BMERB1: variants seen among roughly 807,000 people sequenced by gnomAD.
BMERB1 encodes bMERB domain-containing protein 1.
In BMERB1, 12 loss-of-function variants were observed where a neutral mutation model predicts 23.6. That is an observed-to-expected ratio of 0.51 (90% CI 0.33 to 0.82). The LOEUF is 0.82. Ranked by LOEUF, BMERB1 falls within the 40% of genes least tolerant of loss-of-function variation. BMERB1 has a pLI of 0.03. For synonymous variants in BMERB1, 122 were observed against 96.6 expected (o/e 1.26, Z -1.54); for missense variants, 247 against 255.4 (o/e 0.97, Z 0.22).
intron 2 of BMERB1, among the ~76,000 whole-genome samples, chr16:15,542,229 A>G (rs2052092930): frequency 6.6e-6 from 1 of 151,248 alleles, no homozygotes; most frequent in Non-Finnish European, 1.5e-5. Context: ...ACACCCAGCT[A>G]ATTTTTGTAT....
chr16:15,498,841 C>A (rs1362277804), intron 1 of BMERB1, among the ~76,000 whole-genome samples: 1 of 152,210 alleles, frequency 6.6e-6, no homozygotes, highest in African/African-American at 2.4e-5. Context: ...TACTGGCAGC[C>A]AGTGGGCAGA....
intron 2 of BMERB1, among the ~76,000 whole-genome samples, chr16:15,547,767 A>T (rs1303689810): frequency 1.3e-5 from 2 of 152,164 alleles, no homozygotes; most frequent in African/African-American, 4.8e-5. Context: ...CATTGAGATA[A>T]TGTGGGTGTC....
chr16:15,441,981 G>T (rs1042916115), intron 1 of BMERB1, among the ~76,000 whole-genome samples: 2 of 152,114 alleles, frequency 1.3e-5, no homozygotes, highest in African/African-American at 4.8e-5. Flanking sequence ...GAGTGTGAAA[G>T]GTGTGACAAG....
At chr16:15,497,241 C>G (rs2051482141) in intron 1 of BMERB1, among the ~76,000 whole-genome samples, 1 of 152,090 alleles carries the variant, frequency 6.6e-6, no homozygotes, top group African/African-American at 2.4e-5. Context: ...TCTCCCTGAC[C>G]AACTAAAATC....
chr16:15,532,480 G>A (rs1433246395), intron 2 of BMERB1, among the ~76,000 whole-genome samples: 2 of 151,276 alleles, frequency 1.3e-5, no homozygotes, highest in Non-Finnish European at 2.9e-5. Flanking sequence ...CGCCTGCCTC[G>A]GCCTCCCAAA....
intron 1 of BMERB1, among the ~76,000 whole-genome samples, chr16:15,437,441 C>T (rs146193039): frequency 3.9e-5 from 6 of 152,270 alleles, no homozygotes; most frequent in Non-Finnish European, 8.8e-5. Flanking sequence ...CACTTCCATT[C>T]GGTTACTGCA....
intron 4 of BMERB1, 64 bp from the exon 5 acceptor site, chr16:15,583,082 TTATTTCATTG>T: frequency 8.6e-7 from 1 of 1,167,514 alleles, no homozygotes; most frequent in Non-Finnish European, 1.3e-6. Flanking sequence ...ACCTATTGGT[TTATTTCATTG>T]GTTCCTTGAT....
intron 2 of BMERB1, among the ~76,000 whole-genome samples, chr16:15,525,542 TAAAAATAC>T (rs2051897434): frequency 6.6e-6 from 1 of 151,846 alleles, no homozygotes. Context: ...CTGCCTCTAC[TAAAAATAC>T]AAAAATTAGC....
intron 1 of BMERB1, among the ~76,000 whole-genome samples, chr16:15,458,322 AT>A (rs1217398463): frequency 2.0e-5 from 3 of 152,186 alleles, no homozygotes; most frequent in African/African-American, 7.2e-5. Flanking sequence ...TCATCTTTGA[AT>A]TTATAGTATC....
chr16:15,519,135 A>G (rs1007946796), intron 2 of BMERB1, among the ~76,000 whole-genome samples: 5 of 151,414 alleles, frequency 3.3e-5, no homozygotes, highest in Non-Finnish European at 7.4e-5. Context: ...ACAGAGTAGG[A>G]GAGAAAAAAA....
chr16:15,556,147 C>T (rs1442425001), intron 2 of BMERB1, among the ~76,000 whole-genome samples: 1 of 150,830 alleles, frequency 6.6e-6, no homozygotes, highest in Non-Finnish European at 1.5e-5. Context: ...CATTGCACTA[C>T]AGCCTGGACG....
intron 1 of BMERB1, among the ~76,000 whole-genome samples, chr16:15,454,360 TGTTGCTTCCTTCGAGGAAGACAGA>T (rs1165622094): frequency 6.6e-6 from 1 of 152,210 alleles, no homozygotes; most frequent in South Asian, 2.1e-4. Flanking sequence ...ACCGAGGCAG[TGTTGCTTCCTTCGAGGAAGACAGA>T]GTTGCTTCCT....
chr16:15,468,095 T>C (rs369378829), intron 1 of BMERB1, among the ~76,000 whole-genome samples: 11 of 151,652 alleles, frequency 7.3e-5, no homozygotes, highest in Non-Finnish European at 1.5e-4. Context: ...CTTTTCTTTT[T>C]TTTTACTTTT....
At chr16:15,448,904 G>A (rs1598443822) in intron 1 of BMERB1, among the ~76,000 whole-genome samples, 1 of 152,316 alleles carries the variant, frequency 6.6e-6, no homozygotes, top group South Asian at 2.1e-4. Context: ...CAAAGTAACA[G>A]GAATAGGTAC....
At chr16:15,532,772 C>T (rs1388538047) in intron 2 of BMERB1, among the ~76,000 whole-genome samples, 1 of 151,922 alleles carries the variant, frequency 6.6e-6, no homozygotes, top group Non-Finnish European at 1.5e-5. Context: ...GTCTCAATCT[C>T]CTGACCTCGT....
chr16:15,553,545 A>G (rs77710218), intron 2 of BMERB1, among the ~76,000 whole-genome samples: 2,303 of 152,346 alleles, frequency 0.015, 62 homozygotes, highest in African/African-American at 0.053. Context: ...GTCGGGAAAA[A>G]CAGCCACAGA....
chr16:15,476,923 C>T (rs966604557), intron 1 of BMERB1, among the ~76,000 whole-genome samples: 1 of 152,148 alleles, frequency 6.6e-6, no homozygotes, highest in African/African-American at 2.4e-5. Context: ...GTTGGCCCTG[C>T]TGAAATGACA....
intron 1 of BMERB1, among the ~76,000 whole-genome samples, chr16:15,479,548 T>C (rs1247763991): frequency 6.6e-6 from 1 of 152,136 alleles, no homozygotes; most frequent in Non-Finnish European, 1.5e-5. Context: ...ACTCCTGCCT[T>C]TGCTAACCAC....
chr16:15,445,994 A>G (rs1054428593), intron 1 of BMERB1, among the ~76,000 whole-genome samples: 2 of 152,236 alleles, frequency 1.3e-5, no homozygotes, highest in Non-Finnish European at 2.9e-5. Context: ...AGCAAGAAAG[A>G]AAAGAGTACA....
Sources: allele counts gnomAD v4.1 joint callset (sites outside exome capture counted in the v4.1 genomes callset), GRCh38; gene constraint gnomAD v4.1.1; transcripts MANE v1.5; gene names NCBI Gene and HGNC (gene_info 2026-07-23, HGNC 2026-07-21).